The following PIPOX variants were observed in gnomAD, a reference collection of about 807,000 sequenced individuals.
PIPOX encodes peroxisomal sarcosine oxidase.
PIPOX carries 45 observed loss-of-function variants against 47.9 expected under a neutral mutation model. The ratio of observed to expected loss-of-function variants is 0.94; its 90% confidence interval spans 0.74 to 1.20. The LOEUF (loss-of-function observed/expected upper bound fraction) is 1.20, where lower values mean the gene tolerates loss of function less well. Ranked by LOEUF, PIPOX falls within the 50% of genes most tolerant of loss-of-function variation. PIPOX has a pLI of 0.00. For missense variants in PIPOX, 458 were observed against 498.4 expected, an observed-to-expected ratio of 0.92 and a Z score of 0.77; for synonymous variants, 165 against 191.3, an observed-to-expected ratio of 0.86 and a Z score of 1.13.
intron 2 of PIPOX, chr17:29,046,716 T>C (rs2065786713): frequency 2.0e-6 from 2 of 985,170 alleles, no homozygotes; most frequent in African/African-American, 3.5e-5. Context: ...GGTAGGAGAC[T>C]CTCAGAAGCG....
At chr17:29,044,251 G>C (rs894225926) in intron 1 of PIPOX, 1 of 152,168 alleles carries the variant, frequency 6.6e-6, no homozygotes, top group Non-Finnish European at 1.5e-5. Context: ...TAAAATGAAG[G>C]GGCTGGAGTA....
chr17:29,054,463 G>T (rs542903345), intron 4 of PIPOX, 82 bp from the exon 5 acceptor site: 56 of 1,504,074 alleles, frequency 3.7e-5, no homozygotes, highest in Non-Finnish European at 5.1e-5. Flanking sequence ...TTAGAGGGCC[G>T]CAGGGGCCCA....
chr17:29,053,057 T>C lies in PIPOX; in HGVS notation c.401T>C (p.Leu134Ser). 6.2e-7 allele frequency: 1 copy of C among 1,614,220 alleles called. No individual in the cohort carries two copies. The highest frequency in any genetic ancestry group is 2.2e-5 in the East Asian group (1 of 44,888). Residue 134 changes from leucine to serine, a missense_variant, in exon 3 of 8, where the codon TTG becomes TCG. Coordinates refer to ENST00000323372, the MANE Select transcript of PIPOX (RefSeq NM_016518.3). Reference sequence around the variant, plus strand: ...AAGCAACGTTTCCCAAATATTCGGTTGCCCAGGGGAGAAGTGGGGCTCTTG... The same window carrying C: ...AAGCAACGTTTCCCAAATATTCGGTCGCCCAGGGGAGAAGTGGGGCTCTTG... ...ELKQRFPNIRLPRGEVGLLDN... is the reference protein window; with the variant it reads ...ELKQRFPNIRSPRGEVGLLDN...
intron 6 of PIPOX, among the ~76,000 whole-genome samples, 154 bp from the exon 7 acceptor site, chr17:29,055,659 C>T (rs2065824795): frequency 6.6e-6 from 1 of 152,238 alleles, no homozygotes; most frequent in Admixed American, 6.5e-5. Context: ...AAGACTGGCA[C>T]ACCCAGAGGG....
At chr17:29,053,991 G>A (rs1347586587) in intron 4 of PIPOX, among the ~76,000 whole-genome samples, 1 of 152,056 alleles carries the variant, frequency 6.6e-6, no homozygotes, top group Non-Finnish European at 1.5e-5. Context: ...GACCAGCCTG[G>A]GCAATATGGC....
At chr17:29,047,042 T>C (rs977271168) in intron 2 of PIPOX, among the ~76,000 whole-genome samples, 1 of 152,124 alleles carries the variant, frequency 6.6e-6, no homozygotes, top group African/African-American at 2.4e-5. Flanking sequence ...ATCCCAGCAC[T>C]TTGGGAGGCT....
chr17:29,049,002 C>T (rs2065795623), intron 2 of PIPOX, among the ~76,000 whole-genome samples: 1 of 152,048 alleles, frequency 6.6e-6, no homozygotes, highest in African/African-American at 2.4e-5. Flanking sequence ...CCAATTCCTC[C>T]CCACTCCATC....
intron 2 of PIPOX, among the ~76,000 whole-genome samples, chr17:29,046,085 G>T (rs1418627417): frequency 6.6e-6 from 1 of 152,164 alleles, no homozygotes; most frequent in African/African-American, 2.4e-5. Context: ...AGAGGTTAGT[G>T]TTCTGTTGCA....
chr17:29,047,145 G>C (rs2065788480), intron 2 of PIPOX, among the ~76,000 whole-genome samples: 1 of 152,152 alleles, frequency 6.6e-6, no homozygotes, highest in Non-Finnish European at 1.5e-5. Context: ...AAAGTAGCCA[G>C]GCATGGTGGT....
intron 7 of PIPOX, 24 bp downstream of exon 7, chr17:29,055,912 G>A: frequency 6.2e-7 from 1 of 1,606,392 alleles, no homozygotes; most frequent in Non-Finnish European, 8.5e-7. Flanking sequence ...GGGGGGAATG[G>A]GGTGCCTTAA....
chr17:29,050,827 T>C lies in PIPOX; in HGVS notation c.264-2093T>C, dbSNP rs77135125. Among the ~76,000 whole-genome samples the C allele has an allele frequency of 2.1e-5, 3 of 144,834 alleles. No homozygotes were observed. In the South Asian group the frequency reaches 6.6e-4, roughly 32 times the overall value. On this transcript the variant is annotated intron_variant, in intron 2 of 7. Transcript: ENST00000323372. ...GTGATAGAGTGAGACCCCATCTCCA[T>C]TAAAAAAAAAAAAGAAAAAGAAAAA...
chr17:29,045,029 T>G (rs1423451170), intron 2 of PIPOX, 22 bp downstream of exon 2: 2 of 1,575,268 alleles, frequency 1.3e-6, no homozygotes, highest in Non-Finnish European at 1.7e-6. Flanking sequence ...GAGGAATTCC[T>G]TGAATCGTGG....
At chr17:29,045,034 T>A in intron 2 of PIPOX, 27 bp downstream of exon 2, 2 of 1,569,704 alleles carry the variant, frequency 1.3e-6, no homozygotes. Context: ...ATTCCTTGAA[T>A]CGTGGGGCTC....
rs1307829342 is a variant in PIPOX, at chr17:29,044,867, A to G, written c.123A>G (p.Leu41=). The G allele has an allele frequency of 6.8e-6, 11 of 1,611,538 alleles. No individual in the cohort carries two copies. Among genetic ancestry groups the G allele is most frequent in the Non-Finnish European group, 9.3e-6 (11 of 1,178,930 alleles). ...KRILLLEQFF[L]PHSRGSSHGQ... is the part of the protein sequence containing the mutation. ...TTGTTTTCCACTTCCAGTTCTTTCT[A>G]CCACACTCCCGAGGAAGCTCCCATG... is the stretch of plus-strand genomic sequence containing the variant. Residue 41 remains leucine, a synonymous_variant, in exon 2 of 8, where the codon CTA becomes CTG. Coordinates refer to ENST00000323372, the MANE Select transcript of PIPOX (RefSeq NM_016518.3).
rs1306374391 is a variant in PIPOX at position 29,056,656 on chromosome 17, C to A, written c.*351C>A. ...TATCAGTAAGAAGAGGGCACAAGAA[C>A]TGGCTCTGGAGACCAAAGCAGTTGT... On this transcript the variant is annotated 3_prime_UTR_variant, in exon 8 of 8. Transcript: ENST00000323372. 1 of 253,690 alleles carries A rather than the reference C, an allele frequency of 3.9e-6. No homozygotes were observed. The highest frequency in any genetic ancestry group is 8.8e-5 in the East Asian group (1 of 11,302). 15.7% of individuals were successfully genotyped at this position (253,690 alleles called of 1,614,324 possible). A position where few individuals can be genotyped will look rare whatever the true frequency, so the allele number is the denominator to read the frequency against.
Position 29,054,626 on chromosome 17 carries a change from T to A in PIPOX, c.742T>A (p.Trp248Arg). The change falls in exon 5 of 8, where the codon TGG (tryptophan) becomes AGG (arginine). Residue 248 changes from tryptophan to arginine, a missense_variant. Physicochemically the swap from Trp to Arg is moderately radical, Grantham distance 101. Transcript: ENST00000323372. The part of the protein sequence containing the change: ...GVSQAFPCFL[W>R]LGLCPHHIYG... Reference sequence around the variant, plus strand: ...GTCCCAGGCCTTTCCGTGCTTCCTGTGGCTGGGCTTGTGTCCCCACCACAT... The same window carrying A: ...GTCCCAGGCCTTTCCGTGCTTCCTGAGGCTGGGCTTGTGTCCCCACCACAT... The A allele has an allele frequency of 6.2e-7, 1 of 1,614,198 alleles. No homozygotes were observed. The highest frequency in any genetic ancestry group is 1.3e-5 in the African/African-American group (1 of 75,036).
At chr17:29,045,911 TG>T (rs1370372782) in intron 2 of PIPOX, among the ~76,000 whole-genome samples, 2 of 152,110 alleles carry the variant, frequency 1.3e-5, no homozygotes, top group African/African-American at 4.8e-5. Context: ...CTCCAACCCT[TG>T]ACCTTTCAAA....
chr17:29,049,636 C>T (rs577322125), intron 2 of PIPOX, among the ~76,000 whole-genome samples: 2 of 152,202 alleles, frequency 1.3e-5, no homozygotes, highest in Admixed American at 6.5e-5. Context: ...ACCTATCTCC[C>T]ATAATCACAG....
intron 2 of PIPOX, among the ~76,000 whole-genome samples, chr17:29,048,484 CAT>C (rs1362692009): frequency 1.3e-5 from 2 of 152,338 alleles, no homozygotes; most frequent in African/African-American, 4.8e-5. Context: ...GACAATGACA[CAT>C]GTGTCAGATC....
Sources: allele counts gnomAD v4.1 joint callset (sites outside exome capture counted in the v4.1 genomes callset), GRCh38; gene constraint gnomAD v4.1.1; transcripts MANE v1.5; gene names NCBI Gene and HGNC (gene_info 2026-07-23, HGNC 2026-07-21).